SSBP2: variants seen among roughly 807,000 people sequenced by gnomAD.
SSBP2 encodes single-stranded DNA-binding protein 2.
A neutral mutation model predicts 61.8 loss-of-function variants in SSBP2; 17 were observed. The observed-to-expected ratio is 0.28, with a 90% CI of 0.19 to 0.41. The LOEUF is 0.41. Ranked by LOEUF, SSBP2 falls within the 10% of genes least tolerant of loss-of-function variation. The probability of loss-of-function intolerance (pLI) is 1.00; values close to 1 mark genes in which losing one functional copy is unlikely to be tolerated. For missense variants in SSBP2, 310 were observed against 458.7 expected (o/e 0.68, Z 2.96); for synonymous variants, 139 against 141.3 (o/e 0.98, Z 0.12).
intron 1 of SSBP2, among the ~76,000 whole-genome samples, chr5:81,729,219 C>A (rs1462496410): frequency 6.6e-6 from 1 of 152,126 alleles, no homozygotes; most frequent in Admixed American, 6.5e-5. Flanking sequence ...TAAACTTACT[C>A]ATTTTTATGA....
intron 8 of SSBP2, among the ~76,000 whole-genome samples, chr5:81,468,514 C>A (rs1344848015): frequency 6.6e-6 from 1 of 151,922 alleles, no homozygotes; most frequent in Non-Finnish European, 1.5e-5. Context: ...CAAGGCTCAG[C>A]CCCAGCCTAT....
chr5:81,427,218 CCACT>C (rs765997765), intron 16 of SSBP2, among the ~76,000 whole-genome samples: 1 of 152,086 alleles, frequency 6.6e-6, no homozygotes, highest in East Asian at 1.9e-4. Flanking sequence ...TTGAAGCAAA[CCACT>C]CAAAGAACCA....
At chr5:81,701,897 C>T (rs566647333) in intron 1 of SSBP2, among the ~76,000 whole-genome samples, 4 of 152,178 alleles carry the variant, frequency 2.6e-5, no homozygotes, top group South Asian at 4.1e-4. Context: ...TGTTAACCAA[C>T]GATGCCAATT....
chr5:81,722,250 TG>T (rs1408081847), intron 1 of SSBP2, among the ~76,000 whole-genome samples: 1 of 152,072 alleles, frequency 6.6e-6, no homozygotes, highest in Non-Finnish European at 1.5e-5. Flanking sequence ...CAGGTATTGA[TG>T]GCATGATGAA....
intron 1 of SSBP2, among the ~76,000 whole-genome samples, chr5:81,652,124 G>A (rs1435138148): frequency 6.6e-6 from 1 of 152,168 alleles, no homozygotes; most frequent in Non-Finnish European, 1.5e-5. Flanking sequence ...GAAAGTGAGA[G>A]GCAGAGAGTG....
chr5:81,553,714 G>A (rs1772383261), intron 4 of SSBP2, among the ~76,000 whole-genome samples: 1 of 152,138 alleles, frequency 6.6e-6, no homozygotes, highest in Non-Finnish European at 1.5e-5. Context: ...GGGTGTAGAA[G>A]TGAGATAAGG....
chr5:81,675,354 G>A (rs901389211), intron 1 of SSBP2, among the ~76,000 whole-genome samples: 3 of 152,100 alleles, frequency 2.0e-5, no homozygotes, highest in African/African-American at 7.2e-5. Context: ...AGATTGAAGT[G>A]GGAAGACTTA....
chr5:81,466,947 T>C (rs375890673), intron 9 of SSBP2, 27 bp downstream of exon 9: 16 of 1,357,562 alleles, frequency 1.2e-5, no homozygotes, highest in Non-Finnish European at 1.7e-5. Context: ...CACGTAATAA[T>C]GTAGTATATG....
chr5:81,545,572 T>G (rs1340987620), intron 4 of SSBP2, among the ~76,000 whole-genome samples: 1 of 152,188 alleles, frequency 6.6e-6, no homozygotes, highest in Admixed American at 6.5e-5. Flanking sequence ...AGGCACAGTA[T>G]ACACAACAAC....
chr5:81,724,084 C>T (rs1394370200), intron 1 of SSBP2, among the ~76,000 whole-genome samples: 3 of 151,884 alleles, frequency 2.0e-5, no homozygotes, highest in African/African-American at 4.8e-5. Flanking sequence ...AAAAACACAG[C>T]ATAATACTAT....
intron 1 of SSBP2, among the ~76,000 whole-genome samples, chr5:81,666,275 A>G (rs1453847500): frequency 6.6e-6 from 1 of 152,198 alleles, no homozygotes; most frequent in East Asian, 1.9e-4. Flanking sequence ...CATACTACAT[A>G]CAGATAATGA....
chr5:81,506,227 C>T (rs1768171087), intron 5 of SSBP2, among the ~76,000 whole-genome samples: 2 of 151,920 alleles, frequency 1.3e-5, no homozygotes, highest in African/African-American at 4.8e-5. Context: ...TTTAAAGATA[C>T]AAAATTATAT....
intron 14 of SSBP2, among the ~76,000 whole-genome samples, chr5:81,438,550 A>G (rs1244596951): frequency 6.6e-6 from 1 of 152,180 alleles, no homozygotes; most frequent in African/African-American, 2.4e-5. Context: ...TAAGTTGTAA[A>G]TAAATAGGCA....
chr5:81,661,916 A>G (rs1197393761), intron 1 of SSBP2, among the ~76,000 whole-genome samples: 1 of 152,138 alleles, frequency 6.6e-6, no homozygotes, highest in Non-Finnish European at 1.5e-5. Context: ...TCATTGCTAA[A>G]AGCAATGTTG....
intron 4 of SSBP2, among the ~76,000 whole-genome samples, chr5:81,531,227 T>A (rs1347880338): frequency 1.8e-5 from 2 of 112,074 alleles, no homozygotes; most frequent in Non-Finnish European, 3.5e-5. Flanking sequence ...AGACCCTGTC[T>A]GGAAAAAAAA....
chr5:81,674,189 C>T (rs1581313284), intron 1 of SSBP2, among the ~76,000 whole-genome samples: 1 of 152,020 alleles, frequency 6.6e-6, no homozygotes, highest in African/African-American at 2.4e-5. Flanking sequence ...TCAGTATTTT[C>T]CCTCAAAGAA....
In SSBP2 at chr5:81,413,034, T is replaced by C. The variant is rs969407080; in HGVS notation, c.*7470A>G. On this transcript the variant is annotated 3_prime_UTR_variant, in exon 17 of 17. Transcript: ENST00000320672. ...TATACACAGATGTCCACATTAGTTA[T>C]ATTTTGATGTTTATGCTGGCTTCAT... is the stretch of plus-strand genomic sequence containing the variant. 4.6e-5 allele frequency: 7 copies of C among 152,222 alleles called. No individual in the cohort carries two copies. Among genetic ancestry groups the C allele is most frequent in the Admixed American group, 6.5e-5 (1 of 15,278 alleles). 9.4% of individuals were successfully genotyped at this position (152,222 alleles called of 1,614,324 possible). A position where few individuals can be genotyped will look rare whatever the true frequency, so the allele number is the denominator to read the frequency against.
At chr5:81,613,283 T>G (rs1245000580) in intron 4 of SSBP2, among the ~76,000 whole-genome samples, 1 of 152,130 alleles carries the variant, frequency 6.6e-6, no homozygotes, top group African/African-American at 2.4e-5. Context: ...TTCTAAACTA[T>G]ATTTTCCAAG....
At chr5:81,720,407 T>C (rs1755463889) in intron 1 of SSBP2, among the ~76,000 whole-genome samples, 1 of 152,206 alleles carries the variant, frequency 6.6e-6, no homozygotes, top group African/African-American at 2.4e-5. Context: ...AATAATGACA[T>C]GGTCTTTGCT....
Sources: allele counts gnomAD v4.1 joint callset (sites outside exome capture counted in the v4.1 genomes callset), GRCh38; gene constraint gnomAD v4.1.1; transcripts MANE v1.5; gene names NCBI Gene and HGNC (gene_info 2026-07-23, HGNC 2026-07-21).